SUCLG2: variants seen among roughly 807,000 people sequenced by gnomAD.
SUCLG2 encodes the protein succinate-CoA ligase GDP-forming subunit beta.
A neutral mutation model predicts 47.9 loss-of-function variants in SUCLG2; 42 were observed. The ratio of observed to expected loss-of-function variants is 0.88; its 90% CI spans 0.69 to 1.14. SUCLG2 has a LOEUF of 1.14. SUCLG2 is among the 50% of genes most tolerant of loss of function. The pLI, the probability that SUCLG2 is intolerant of heterozygous loss-of-function variation, is 0.00. For missense variants in SUCLG2, 571 were observed against 525.9 expected, an observed-to-expected ratio of 1.09 and a Z score of -0.84; for synonymous variants, 195 against 197.3, an observed-to-expected ratio of 0.99 and a Z score of 0.10.
intron 9 of SUCLG2, among the ~76,000 whole-genome samples, chr3:67,486,481 T>C (rs1705058106): frequency 6.6e-6 from 1 of 152,196 alleles, no homozygotes; most frequent in Non-Finnish European, 1.5e-5. Flanking sequence ...AAAACACAGT[T>C]ACATTTTTAT....
intron 9 of SUCLG2, among the ~76,000 whole-genome samples, chr3:67,457,234 A>T (rs1290830617): frequency 6.6e-6 from 1 of 152,218 alleles, no homozygotes; most frequent in Non-Finnish European, 1.5e-5. Context: ...ATGGTTCTCC[A>T]GATCTTCAGC....
chr3:67,582,115 T>A (rs774404065), intron 2 of SUCLG2, among the ~76,000 whole-genome samples: 3 of 152,122 alleles, frequency 2.0e-5, no homozygotes, highest in African/African-American at 7.2e-5. Flanking sequence ...CATATTTCTT[T>A]AAAAAAAACT....
At chr3:67,446,417 A>ATTTTTTT (rs750956324) in intron 9 of SUCLG2, among the ~76,000 whole-genome samples, 1 of 32,186 alleles carries the variant, frequency 3.1e-5, no homozygotes, top group Non-Finnish European at 5.3e-5. Context: ...ACATATGTAC[A>ATTTTTTT]TTTTTTTTTT....
intron 2 of SUCLG2, among the ~76,000 whole-genome samples, chr3:67,606,000 G>A (rs1700409276): frequency 6.6e-6 from 1 of 151,698 alleles, no homozygotes; most frequent in South Asian, 2.1e-4. Flanking sequence ...ATCACTTGAG[G>A]CCAAACTGGG....
At chr3:67,463,037 A>C (rs1410383742) in intron 9 of SUCLG2, among the ~76,000 whole-genome samples, 1 of 152,212 alleles carries the variant, frequency 6.6e-6, no homozygotes, top group Non-Finnish European at 1.5e-5. Flanking sequence ...TCAGGGATCA[A>C]GTTTGTGGGC....
intron 9 of SUCLG2, among the ~76,000 whole-genome samples, chr3:67,475,855 A>C (rs923063630): frequency 1.3e-5 from 2 of 151,946 alleles, no homozygotes; most frequent in Non-Finnish European, 2.9e-5. Flanking sequence ...TGCCCAACAA[A>C]AATGTTTCCC....
chr3:67,437,484 A>G (rs1275242771), intron 9 of SUCLG2, among the ~76,000 whole-genome samples: 1 of 152,222 alleles, frequency 6.6e-6, no homozygotes, highest in African/African-American at 2.4e-5. Context: ...GTGTCAGGAT[A>G]CATCCCACTT....
intron 1 of SUCLG2, among the ~76,000 whole-genome samples, chr3:67,626,282 G>A (rs1700827756): frequency 6.6e-6 from 1 of 152,024 alleles, no homozygotes; most frequent in South Asian, 2.1e-4. Flanking sequence ...GTGAGCCACT[G>A]CACCCGGCCA....
At chr3:67,482,989 C>T (rs1704956755) in intron 9 of SUCLG2, among the ~76,000 whole-genome samples, 1 of 152,116 alleles carries the variant, frequency 6.6e-6, no homozygotes, top group Non-Finnish European at 1.5e-5. Context: ...AAAAAACCCA[C>T]AGATAAGCTG....
At chr3:67,625,245 C>T (rs558731619) in intron 1 of SUCLG2, among the ~76,000 whole-genome samples, 11 of 152,088 alleles carry the variant, frequency 7.2e-5, no homozygotes, top group African/African-American at 2.4e-4. Context: ...TGAGTGGCAT[C>T]GAAGGCTCGG....
At chr3:67,563,959 C>CAAAAAAAAAAAAAAAAAAAG (rs1707382532) in intron 2 of SUCLG2, among the ~76,000 whole-genome samples, 1 of 78,192 alleles carries the variant, frequency 1.3e-5, no homozygotes, top group Non-Finnish European at 2.9e-5. Context: ...GACTCTGTCT[C>CAAAAAAAAAAAAAAAAAAAG]AAAAAAAAAA....
chr3:67,380,008 G>A (rs891478507), intron 10 of SUCLG2, among the ~76,000 whole-genome samples: 15 of 152,292 alleles, frequency 9.8e-5, no homozygotes, highest in Middle Eastern at 3.4e-3. Flanking sequence ...CGTGCTGACC[G>A]ACGGGGTAAC....
At chr3:67,632,427 C>T (rs1024343947) in intron 1 of SUCLG2, among the ~76,000 whole-genome samples, 4 of 152,092 alleles carry the variant, frequency 2.6e-5, no homozygotes, top group Admixed American at 2.0e-4. Context: ...GAGTGATCTG[C>T]CCGCCTTGCC....
intron 9 of SUCLG2, among the ~76,000 whole-genome samples, chr3:67,410,101 G>C (rs1413422785): frequency 6.6e-6 from 1 of 152,156 alleles, no homozygotes; most frequent in East Asian, 1.9e-4. Flanking sequence ...AGAGTCAATG[G>C]GTTGGAAATT....
chr3:67,579,588 T>C (rs1276258422), intron 2 of SUCLG2, among the ~76,000 whole-genome samples: 1 of 152,208 alleles, frequency 6.6e-6, no homozygotes, highest in East Asian at 1.9e-4. Flanking sequence ...GAGGGGTCTC[T>C]CTGTCCTGGC....
chr3:67,374,258 GC>G (rs1701992002), downstream of SUCLG2, among the ~76,000 whole-genome samples: 1 of 152,080 alleles, frequency 6.6e-6, no homozygotes, highest in Non-Finnish European at 1.5e-5. Flanking sequence ...TTTCTCCATG[GC>G]AAACATGGCT....
At position 67,563,226 on chromosome 3, in the gene SUCLG2, C is replaced by T. The variant is rs553316744; in HGVS notation, c.227-34040G>A. On this transcript the variant is annotated intron_variant, in intron 2 of 10. Coordinates refer to ENST00000307227, the MANE Select transcript of SUCLG2 (RefSeq NM_003848.4). ...TACTCCCAAAACCAGAGCCAGAAAT[C>T]GCTATATTAGAAAATTAGTTTTGGG... is the stretch of plus-strand genomic sequence containing the variant. Among the ~76,000 whole-genome samples the T allele has an allele frequency of 2.6e-5, 4 of 152,024 alleles. No homozygotes were observed. The South Asian group carries it at 8.3e-4, about 32-fold the overall frequency.
chr3:67,565,941 T>C (rs747712923), intron 2 of SUCLG2, among the ~76,000 whole-genome samples: 6 of 152,256 alleles, frequency 3.9e-5, no homozygotes, highest in Admixed American at 2.0e-4. Flanking sequence ...ATCTTAGCTG[T>C]CTATCCTATC....
chr3:67,529,432 AG>A (rs1213363143), intron 2 of SUCLG2, among the ~76,000 whole-genome samples: 1 of 152,218 alleles, frequency 6.6e-6, no homozygotes, highest in Non-Finnish European at 1.5e-5. Flanking sequence ...GACCTTCCCA[AG>A]GGAAAGCAAG....
Sources: gnomAD v4.1 joint callset for allele counts (sites outside exome capture counted in the v4.1 genomes callset) on GRCh38, gnomAD v4.1.1 for gene constraint, MANE v1.5 for transcripts, NCBI Gene and HGNC (gene_info 2026-07-23, HGNC 2026-07-21) for gene names.